The following STON2 variants were observed in gnomAD, a reference collection of about 807,000 sequenced individuals.
STON2 encodes stonin 2.
In STON2, 29 loss-of-function variants were observed where a neutral mutation model predicts 65.7. That is an observed-to-expected ratio of 0.44 (90% confidence interval 0.33 to 0.60). The LOEUF is 0.60. STON2 is among the 20% of genes least tolerant of loss of function. STON2 has a pLI of 0.03. For synonymous variants in STON2, 404 were observed against 414.2 expected, an observed-to-expected ratio of 0.98 and a Z score of 0.30; for missense variants, 1,054 against 1,118.1, an observed-to-expected ratio of 0.94 and a Z score of 0.82.
chr14:81,401,417 C>A (rs1900608278), upstream of STON2, among the ~76,000 whole-genome samples: 1 of 152,114 alleles, frequency 6.6e-6, no homozygotes, highest in African/African-American at 2.4e-5. Flanking sequence ...CACATGGAAC[C>A]CCCCATCATA....
chr14:81,362,213 A>G (rs1029559007), intron 4 of STON2, among the ~76,000 whole-genome samples: 7 of 152,216 alleles, frequency 4.6e-5, no homozygotes, highest in African/African-American at 1.7e-4. Context: ...TAAACAATAC[A>G]CAAGTTATGG....
intron 3 of STON2, among the ~76,000 whole-genome samples, chr14:81,389,618 C>G (rs563965262): frequency 1.6e-4 from 25 of 152,342 alleles, no homozygotes; most frequent in African/African-American, 5.8e-4. Context: ...CGCCAGCAAA[C>G]TGGCCACTAC....
intron 3 of STON2, among the ~76,000 whole-genome samples, chr14:81,385,935 T>C (rs556703248): frequency 6.6e-6 from 1 of 152,282 alleles, no homozygotes; most frequent in Non-Finnish European, 1.5e-5. Context: ...TGGAGGGTTC[T>C]GGCCCCCCGC....
rs545423752 is a variant in STON2 at position 81,370,922 on chromosome 14, TTTAAAGTGGACC to T, written c.571+54_571+65del. 110 of 1,476,436 alleles carry T rather than the reference TTTAAAGTGGACC, an allele frequency of 7.5e-5. No individual in the cohort carries two copies. In the South Asian group the frequency reaches 1.2e-3, roughly 17 times the overall value. 91.5% of individuals were successfully genotyped at this position (1,476,436 alleles called of 1,614,324 possible). A position where few individuals can be genotyped will look rare whatever the true frequency, so the allele number is the denominator to read the frequency against. On this transcript the variant is annotated intron_variant, in intron 4 of 7. Coordinates refer to ENST00000614646, the MANE Select transcript of STON2 (RefSeq NM_001394390.1). ...CAGCTGCAGCAATTTTTAAAAGGAC[TTTAAAGTGGACC>T]TGGGTACACCAAAAGTGATTTGCAA...
At position 81,265,270 on chromosome 14, in the gene STON2, A is replaced by T. The variant is rs1894312800; in HGVS notation, c.*3144T>A. The T allele has an allele frequency of 3.2e-5, 31 of 983,848 alleles. No homozygotes were observed. Among genetic ancestry groups the T allele is most frequent in the Non-Finnish European group, 3.7e-5 (31 of 828,592 alleles). The allele number at this position is 983,848 out of a possible 1,614,324, so 60.9% of individuals were successfully genotyped here. On this transcript the variant is annotated 3_prime_UTR_variant, in exon 8 of 8. Transcript: ENST00000614646. ...AAATATATAGTATTATTATCCCCAA[A>T]CCCCTAAATGCTACCCATAATCAGT...
In STON2 at chr14:81,421,792, G is replaced by A. The variant is rs1424566696; in HGVS notation, c.-199+5310C>T. 2.0e-5 allele frequency among the ~76,000 whole-genome samples: 3 copies of A among 152,206 alleles called. No individual in the cohort carries two copies. The East Asian group carries it at 5.8e-4, about 29-fold the overall frequency. ...GCCCAGTGATTTGATGGGCCCGTGG[G>A]ACAACCACATTGAGATGTTGTCTTT... On this transcript the variant is annotated intron_variant, in intron 2 of 8. Coordinates refer to the STON2 transcript ENST00000553821.
chr14:81,311,873 T>C (rs1249784698), intron 5 of STON2, among the ~76,000 whole-genome samples: 2 of 152,254 alleles, frequency 1.3e-5, no homozygotes, highest in Non-Finnish European at 2.9e-5. Context: ...ATTTTTTAAA[T>C]GAAGGTTGGC....
intron 4 of STON2, among the ~76,000 whole-genome samples, chr14:81,363,970 A>G (rs192314741): frequency 2.0e-4 from 31 of 152,306 alleles, no homozygotes; most frequent in African/African-American, 7.2e-4. Flanking sequence ...AGAGACATGC[A>G]GCCCAGGCGA....
Position 81,370,998 on chromosome 14 carries a change from A to G in STON2, c.561T>C (p.Ala187=), listed in dbSNP as rs1898959331. ...AGAGCTCCATCTTACCAGTTGAGTC[A>G]GCCCCAGAAGCCTGGCCACTCGTCT... The part of the protein sequence containing the change: ...EEQTSGQASG[A]DSTDKRTEWQ... The change falls in exon 4 of 8, where the codon GCT becomes GCC. Residue 187 remains alanine, a synonymous_variant. Coordinates refer to ENST00000614646, the MANE Select transcript of STON2 (RefSeq NM_001394390.1). The G allele has an allele frequency of 6.2e-7, 1 of 1,612,516 alleles. No homozygotes were observed.
At chr14:81,397,096 ATGG>A (rs1900363099) in intron 2 of STON2, among the ~76,000 whole-genome samples, 1 of 152,204 alleles carries the variant, frequency 6.6e-6, no homozygotes, top group Non-Finnish European at 1.5e-5. Flanking sequence ...TATCCTGATT[ATGG>A]TGGTAGATAC....
intron 4 of STON2, among the ~76,000 whole-genome samples, chr14:81,349,120 C>G (rs976633847): frequency 2.0e-5 from 3 of 152,076 alleles, no homozygotes; most frequent in African/African-American, 4.8e-5. Flanking sequence ...AAACCTAACA[C>G]CCGAAACTAC....
At chr14:81,284,110 A>C (rs569044245) in intron 5 of STON2, among the ~76,000 whole-genome samples, 1 of 151,332 alleles carries the variant, frequency 6.6e-6, no homozygotes, top group Admixed American at 6.6e-5. Context: ...CCATTCCCCT[A>C]TCTCTCTCTC....
chr14:81,379,322 A>C (rs545546416), intron 3 of STON2, among the ~76,000 whole-genome samples: 1 of 152,344 alleles, frequency 6.6e-6, no homozygotes, highest in South Asian at 2.1e-4. Flanking sequence ...CTAACAAAAA[A>C]TGTGCTAAGC....
chr14:81,277,483 C>A lies in STON2; in HGVS notation c.1999G>T (p.Glu667Ter), dbSNP rs753342286. ...ATGTCATTGAGGCCCAGGCGGCACT[C>A]TGCGAGCCCAGACAGGAAACTCAGG... is the stretch of plus-strand genomic sequence containing the variant. Reference protein sequence around the residue: ...HILSFLSGLAECRLGLNDILV... With the variant: ...HILSFLSGLA Residue 667 changes from glutamate (E) to a stop codon, truncating the protein, a stop_gained, in exon 6 of 8, where the codon GAG becomes TAG. Transcript: ENST00000614646. LOFTEE classifies it high-confidence loss of function. The A allele has an allele frequency of 6.2e-7, 1 of 1,614,160 alleles. No individual in the cohort carries two copies. The highest frequency in any genetic ancestry group is 1.1e-5 in the South Asian group (1 of 91,080).
intron 6 of STON2, among the ~76,000 whole-genome samples, chr14:81,271,428 CA>C (rs1181476444): frequency 2.6e-5 from 4 of 152,180 alleles, no homozygotes; most frequent in African/African-American, 9.7e-5. Context: ...GAACACTGGA[CA>C]AAACACCAAC....
rs529263114 is a variant in STON2, at chr14:81,318,272, T to C, written c.742+5745A>G. The stretch of plus-strand genomic sequence containing the variant: ...AGCCACTGCACAAGGCAGGAGTTTC[T>C]TTCCCTTCAAAATTCCATTAGACAG... On this transcript the variant is annotated intron_variant, in intron 5 of 7. Coordinates refer to ENST00000614646, the MANE Select transcript of STON2 (RefSeq NM_001394390.1). Among the ~76,000 whole-genome samples, 76 of 152,236 alleles carry C rather than the reference T, an allele frequency of 5.0e-4. 1 individual carries two copies. Among genetic ancestry groups the C allele is most frequent in the Admixed American group, 4.8e-3 (73 of 15,298 alleles).
chr14:81,270,352 T>C (rs991871779), intron 7 of STON2: 1 of 1,283,700 alleles, frequency 7.8e-7, no homozygotes, highest in African/African-American at 1.5e-5. Context: ...CCCAAAGTGC[T>C]GGGATTACAG....
intron 5 of STON2, among the ~76,000 whole-genome samples, chr14:81,282,152 A>G (rs1895149596): frequency 6.6e-6 from 1 of 152,246 alleles, no homozygotes; most frequent in Admixed American, 6.5e-5. Context: ...CAATGCTTCT[A>G]TCACAGAAAA....
chr14:81,349,670 A>G (rs887506570), intron 4 of STON2, among the ~76,000 whole-genome samples: 3 of 152,112 alleles, frequency 2.0e-5, no homozygotes, highest in Admixed American at 2.0e-4. Flanking sequence ...CAGTGTGGAG[A>G]TTTCTCAAAA....
Sources: gnomAD v4.1 joint callset for allele counts (sites outside exome capture counted in the v4.1 genomes callset) on GRCh38, gnomAD v4.1.1 for gene constraint, MANE v1.5 for transcripts, NCBI Gene and HGNC (gene_info 2026-07-23, HGNC 2026-07-21) for gene names.